KIAA0040: variants seen among roughly 807,000 people sequenced by gnomAD.
KIAA0040 encodes the protein KIAA0040.
In KIAA0040, 10 loss-of-function variants were observed where a neutral mutation model predicts 7.2. The observed-to-expected ratio is 1.38, with a 90% confidence interval of 0.85 to 2.34. The LOEUF (loss-of-function observed/expected upper bound fraction) is 2.34. Ranked by LOEUF, KIAA0040 falls within the 30% of genes most tolerant of loss-of-function variation. KIAA0040 has a pLI of 0.00. For synonymous variants in KIAA0040, 49 were observed against 40.1 expected, an observed-to-expected ratio of 1.22 and a Z score of -0.84; for missense variants, 89 against 108.2, an observed-to-expected ratio of 0.82 and a Z score of 0.79.
In KIAA0040 at chr1:175,159,878, A is replaced by C. The variant is rs1676456755; in HGVS notation, c.*836T>G. 6.7e-6 allele frequency: 1 copy of C among 148,262 alleles called. No individual in the cohort carries two copies. Among genetic ancestry groups the C allele is most frequent in the Non-Finnish European group, 1.5e-5 (1 of 66,444 alleles). 9.2% of individuals were successfully genotyped at this position (148,262 alleles called of 1,614,324 possible). A position where few individuals can be genotyped will look rare whatever the true frequency, so the allele number is the denominator to read the frequency against. Reference sequence around the variant, plus strand: ...ACTTTGCTGAGTGGTTTGCGGGGGTAATGTTTCACAGAGAGGTCTTGGATC... The same window carrying C: ...ACTTTGCTGAGTGGTTTGCGGGGGTCATGTTTCACAGAGAGGTCTTGGATC... On this transcript the variant is annotated 3_prime_UTR_variant, in exon 4 of 4. Transcript: ENST00000423313.
At chr1:175,161,397 G>A (rs74126932) in intron 3 of KIAA0040, among the ~76,000 whole-genome samples, 215 of 152,264 alleles carry the variant, frequency 1.4e-3, no homozygotes, top group African/African-American at 4.7e-3. Context: ...GGTCTGGCAC[G>A]TAGGAAGTTC....
In KIAA0040 at chr1:175,174,509, C is replaced by A. The variant is rs373059430; in HGVS notation, c.-310+3102G>T. Among the ~76,000 whole-genome samples the A allele has an allele frequency of 5.6e-4, 86 of 152,300 alleles. 1 individual carries two copies. Among genetic ancestry groups the A allele is most frequent in the African/African-American group, 2.0e-3 (83 of 41,564 alleles). ...TCATCTGAGAAATGAGGTTATTACT[C>A]ATCCTGGATATCTCTCAAGATTACT... is the stretch of plus-strand genomic sequence containing the variant. On this transcript the variant is annotated intron_variant, in intron 2 of 3. Coordinates refer to ENST00000423313, the MANE Select transcript of KIAA0040 (RefSeq NM_014656.3).
rs1676424592 is a variant in KIAA0040 at position 175,159,243 on chromosome 1, G to GA, written c.*1470_*1471insT. ...TAACTCTGCTTCCCAACCTCACTCT[G>GA]GCGGGGAAAGCCCTCCTCAGCTCAC... On this transcript the variant is annotated 3_prime_UTR_variant, in exon 4 of 4. Coordinates refer to ENST00000423313, the MANE Select transcript of KIAA0040 (RefSeq NM_014656.3). 6.6e-6 allele frequency: 1 copy of GA among 152,350 alleles called. No individual in the cohort carries two copies. The highest frequency in any genetic ancestry group is 6.5e-5 in the Admixed American group (1 of 15,292). The allele number at this position is 152,350 out of a possible 1,614,324, so 9.4% of individuals were successfully genotyped here.
At chr1:175,178,994 G>A (rs1451289660) in intron 1 of KIAA0040, among the ~76,000 whole-genome samples, 1 of 151,548 alleles carries the variant, frequency 6.6e-6, no homozygotes. Flanking sequence ...TCATGGAGGA[G>A]ATAGAGGCTG....
intron 1 of KIAA0040, 101 bp downstream of exon 1, chr1:175,192,539 C>T (rs1010505428): frequency 6.6e-6 from 1 of 152,184 alleles, no homozygotes; most frequent in Non-Finnish European, 1.5e-5. Context: ...TGGGGCAGGT[C>T]TCATCCTTCT....
At chr1:175,183,890 T>C (rs894572337) in intron 1 of KIAA0040, among the ~76,000 whole-genome samples, 2 of 152,188 alleles carry the variant, frequency 1.3e-5, no homozygotes, top group South Asian at 2.1e-4. Context: ...TGTTTTGTTT[T>C]TGGAAAATTC....
chr1:175,187,370 C>T (rs775798345), intron 1 of KIAA0040, among the ~76,000 whole-genome samples: 9 of 152,180 alleles, frequency 5.9e-5, no homozygotes, highest in Non-Finnish European at 1.3e-4. Context: ...TGGGTGGTTT[C>T]AGGCCAGTGT....
At chr1:175,178,970 CGG>C (rs5778839) in intron 1 of KIAA0040, among the ~76,000 whole-genome samples, 59 of 125,870 alleles carry the variant, frequency 4.7e-4, no homozygotes, top group South Asian at 5.3e-4. Context: ...GGGGACGGGG[CGG>C]GGGGGGGGAT....
At chr1:175,188,920 C>T (rs1317407743) in intron 1 of KIAA0040, among the ~76,000 whole-genome samples, 1 of 152,126 alleles carries the variant, frequency 6.6e-6, no homozygotes, top group Non-Finnish European at 1.5e-5. Flanking sequence ...GTGTGAGATA[C>T]AAAAGGTGAT....
chr1:175,178,095 A>C (rs368452330), intron 1 of KIAA0040, among the ~76,000 whole-genome samples: 1 of 152,130 alleles, frequency 6.6e-6, no homozygotes, highest in African/African-American at 2.4e-5. Context: ...GATGGAGACC[A>C]CTCCTAAATC....
At chr1:175,171,402 C>CTGAATGAA (rs1355641277) in intron 2 of KIAA0040, among the ~76,000 whole-genome samples, 1 of 152,054 alleles carries the variant, frequency 6.6e-6, no homozygotes, top group Non-Finnish European at 1.5e-5. Context: ...TGGCATGTAG[C>CTGAATGAA]TGAATGAATG....
At chr1:175,178,039 T>C (rs1677274441) in intron 1 of KIAA0040, among the ~76,000 whole-genome samples, 1 of 152,252 alleles carries the variant, frequency 6.6e-6, no homozygotes, top group Admixed American at 6.5e-5. Flanking sequence ...TTGGGAAATT[T>C]GCTCCAATGT....
chr1:175,191,011 A>T (rs1677846362), intron 1 of KIAA0040, among the ~76,000 whole-genome samples: 1 of 152,168 alleles, frequency 6.6e-6, no homozygotes, highest in Non-Finnish European at 1.5e-5. Flanking sequence ...CTTCACAGAT[A>T]ATTCTGGGGA....
chr1:175,162,652 T>A (rs896141203), intron 3 of KIAA0040, among the ~76,000 whole-genome samples: 3 of 152,092 alleles, frequency 2.0e-5, no homozygotes, highest in Non-Finnish European at 4.4e-5. Flanking sequence ...CCCTCCTGGG[T>A]GATGTTTTCT....
rs2101873253 is a variant in KIAA0040 at position 175,160,863 on chromosome 1, A to T, written c.151T>A (p.Cys51Ser). Reference protein sequence around the residue: ...ITLLFICCHCCWSPPGKRGQQ... With the variant: ...ITLLFICCHCSWSPPGKRGQQ... ...CCCCTCTTGCCTGGTGGGCTCCAGC[A>T]GCAATGGCAACAGATGAAGAGGAGT... Residue 51 changes from cysteine (C) to serine (S), a missense_variant, in exon 4 of 4, where the codon TGC becomes AGC. Cys to Ser is a moderately radical substitution (Grantham distance 112). Transcript: ENST00000423313. 1 of 1,551,532 alleles carries T rather than the reference A, an allele frequency of 6.4e-7. No homozygotes were observed. Among genetic ancestry groups the T allele is most frequent in the South Asian group, 1.2e-5 (1 of 84,044 alleles).
chr1:175,174,575 G>A (rs1677107529), intron 2 of KIAA0040, among the ~76,000 whole-genome samples: 2 of 152,176 alleles, frequency 1.3e-5, no homozygotes, highest in African/African-American at 2.4e-5. Flanking sequence ...ACTGAGCAGG[G>A]AAAATTGCAA....
At position 175,157,619 on chromosome 1, in the gene KIAA0040, T is replaced by C. The variant is rs1257117973; in HGVS notation, c.*3095A>G. On this transcript the variant is annotated 3_prime_UTR_variant, in exon 4 of 4. Transcript: ENST00000423313. ...CAGAAAAAAATACTGACAAATACTA[T>C]ACAGCTTGGACCCTTTATATTTTTC... The C allele has an allele frequency of 6.6e-6, 1 of 152,204 alleles. No individual in the cohort carries two copies. The highest frequency in any genetic ancestry group is 1.5e-5 in the Non-Finnish European group (1 of 68,032). The allele number at this position is 152,204 out of a possible 1,614,324, so 9.4% of individuals were successfully genotyped here.
At position 175,170,081 on chromosome 1, in the gene KIAA0040, G is replaced by C. The variant is rs902391647; in HGVS notation, c.-309-3344C>G. On this transcript the variant is annotated intron_variant, in intron 2 of 3. Coordinates refer to ENST00000423313, the MANE Select transcript of KIAA0040 (RefSeq NM_014656.3). Reference sequence around the variant, plus strand: ...GAGTGGCCTCTGAAAAGGTGACTCTGAACTGAGATCTCGGGGTGCTAAGGA... The same window carrying C: ...GAGTGGCCTCTGAAAAGGTGACTCTCAACTGAGATCTCGGGGTGCTAAGGA... Among the ~76,000 whole-genome samples the C allele has an allele frequency of 5.3e-5, 8 of 152,308 alleles. No individual in the cohort carries two copies. In the South Asian group the frequency reaches 6.2e-4, roughly 12 times the overall value.
rs1430703140 is a variant in KIAA0040 at position 175,160,656 on chromosome 1, G to C, written c.*58C>G. On this transcript the variant is annotated 3_prime_UTR_variant, in exon 4 of 4. Transcript: ENST00000423313. ...TATTTCAGGGGTTCCTGAAATGTCT[G>C]TGTGTGGTCAGAAGGAGGCTTAGCC... 69 of 1,438,978 alleles carry C rather than the reference G, an allele frequency of 4.8e-5. 1 individual carries two copies. The South Asian group carries it at 9.8e-4, about 20-fold the overall frequency. 89.1% of individuals were successfully genotyped at this position (1,438,978 alleles called of 1,614,324 possible). A position where few individuals can be genotyped will look rare whatever the true frequency, so the allele number is the denominator to read the frequency against.
Sources: gnomAD v4.1 joint callset for allele counts (sites outside exome capture counted in the v4.1 genomes callset) on GRCh38, gnomAD v4.1.1 for gene constraint, MANE v1.5 for transcripts, NCBI Gene and HGNC (gene_info 2026-07-23, HGNC 2026-07-21) for gene names.